Variants in NEDD9 observed in about 807,000 individuals in gnomAD.
NEDD9 encodes the protein enhancer of filamentation 1.
Under a neutral mutation model 76.6 loss-of-function variants are expected in NEDD9, and 26 were observed. The ratio of observed to expected loss-of-function variants is 0.34; its 90% CI spans 0.25 to 0.47. The LOEUF (loss-of-function observed/expected upper bound fraction) is 0.47, where lower values mean the gene tolerates loss of function less well. Ranked by LOEUF, NEDD9 falls within the 20% of genes least tolerant of loss-of-function variation. NEDD9 has a pLI of 1.00. For missense variants in NEDD9, 937 were observed against 1,058.5 expected (o/e 0.89, Z 1.59); for synonymous variants, 392 against 414.2 (o/e 0.95, Z 0.65).
chr6:11,257,154 G>C (rs1760018223), intron 3 of NEDD9, among the ~76,000 whole-genome samples: 1 of 152,188 alleles, frequency 6.6e-6, no homozygotes, highest in Admixed American at 6.5e-5. Context: ...GGTGGAGCCA[G>C]GGTTCCTCAA....
At chr6:11,187,423 T>C (rs1489698947) in intron 6 of NEDD9, among the ~76,000 whole-genome samples, 1 of 152,154 alleles carries the variant, frequency 6.6e-6, no homozygotes, top group Admixed American at 6.5e-5. Context: ...CCTCAGTAGA[T>C]AGGCCTGGAT....
chr6:11,331,665 C>G (rs1762040576), intron 2 of NEDD9, among the ~76,000 whole-genome samples: 1 of 152,152 alleles, frequency 6.6e-6, no homozygotes, highest in Admixed American at 6.5e-5. Flanking sequence ...AAAACGACCC[C>G]TTGCCATTCT....
intron 3 of NEDD9, among the ~76,000 whole-genome samples, chr6:11,280,935 T>G (rs1361482414): frequency 6.6e-6 from 1 of 152,194 alleles, no homozygotes; most frequent in Non-Finnish European, 1.5e-5. Flanking sequence ...ATACAAGAAG[T>G]CATGGGGATT....
chr6:11,197,073 C>G (rs543727866), intron 2 of NEDD9, among the ~76,000 whole-genome samples: 1 of 152,264 alleles, frequency 6.6e-6, no homozygotes, highest in African/African-American at 2.4e-5. Flanking sequence ...CCCAGAACTG[C>G]TGAATTTCAG....
At chr6:11,351,393 G>C (rs1421541977) in intron 1 of NEDD9, among the ~76,000 whole-genome samples, 2 of 152,114 alleles carry the variant, frequency 1.3e-5, no homozygotes, top group East Asian at 1.9e-4. Flanking sequence ...CATCCTGATG[G>C]GGTTCAGGAC....
upstream of NEDD9, among the ~76,000 whole-genome samples, chr6:11,237,076 C>A (rs1213044407): frequency 2.6e-5 from 4 of 152,148 alleles, no homozygotes; most frequent in Non-Finnish European, 4.4e-5. The surrounding 1 kb of genome is among the most constrained non-coding windows in gnomAD (Gnocchi z 4.9). Flanking sequence ...TCAACACTAA[C>A]CCTTTTGTGT....
At chr6:11,317,931 G>A (rs983116007) in intron 2 of NEDD9, among the ~76,000 whole-genome samples, 1 of 152,204 alleles carries the variant, frequency 6.6e-6, no homozygotes, top group African/African-American at 2.4e-5. Context: ...ATGCAGGTGG[G>A]CCTTGTTCAA....
At chr6:11,233,156 T>C, upstream of NEDD9, 2 of 499,216 alleles carry the variant, frequency 4.0e-6, no homozygotes, top group East Asian at 5.6e-5. Context: ...TCTCTCTCTC[T>C]GTCCCTTTTT....
intron 1 of NEDD9, among the ~76,000 whole-genome samples, chr6:11,222,405 C>T (rs926355490): frequency 1.3e-5 from 2 of 152,192 alleles, no homozygotes; most frequent in African/African-American, 2.4e-5. Context: ...GAGGTGTTTA[C>T]AGTCATACAC....
chr6:11,193,761 T>G, intron 2 of NEDD9, 69 bp from the exon 3 acceptor site: 1 of 990,162 alleles, frequency 1.0e-6, no homozygotes, highest in South Asian at 1.4e-5. Flanking sequence ...GCCTCCTAAC[T>G]AAGCACTCAT....
intron 3 of NEDD9, among the ~76,000 whole-genome samples, chr6:11,271,244 C>G (rs529563180): frequency 2.0e-5 from 3 of 152,026 alleles, no homozygotes; most frequent in Non-Finnish European, 4.4e-5. Context: ...ATTTTGTTGC[C>G]CAGGCTGGTC....
intron 1 of NEDD9, among the ~76,000 whole-genome samples, chr6:11,228,698 A>T (rs936552142): frequency 3.3e-5 from 5 of 152,212 alleles, no homozygotes; most frequent in Admixed American, 6.5e-5. Context: ...CAACTTGCTA[A>T]ATTTGGTATT....
At chr6:11,314,535 C>T (rs558302110) in intron 2 of NEDD9, among the ~76,000 whole-genome samples, 1 of 152,278 alleles carries the variant, frequency 6.6e-6, no homozygotes, top group Admixed American at 6.5e-5. Flanking sequence ...TTGAGCAAGG[C>T]AGCTTTTATG....
chr6:11,200,740 G>A, intron 2 of NEDD9: 1 of 1,369,670 alleles, frequency 7.3e-7, no homozygotes, highest in Non-Finnish European at 9.4e-7. Context: ...AAGAGACAGT[G>A]GTCCTTGATG....
At chr6:11,227,712 C>T (rs1247670060) in intron 1 of NEDD9, among the ~76,000 whole-genome samples, 1 of 152,144 alleles carries the variant, frequency 6.6e-6, no homozygotes, top group East Asian at 1.9e-4. Flanking sequence ...TAAACAGGCC[C>T]AGTAGGCAAC....
In NEDD9 at chr6:11,189,954, G is replaced by T. The variant is rs543377511; in HGVS notation, c.1905+10C>A. The T allele has an allele frequency of 6.6e-7, 1 of 1,511,896 alleles. No individual in the cohort carries two copies. The highest frequency in any genetic ancestry group is 1.3e-5 in the South Asian group (1 of 74,386). 93.7% of individuals were successfully genotyped at this position (1,511,896 alleles called of 1,614,324 possible). A position where few individuals can be genotyped will look rare whatever the true frequency, so the allele number is the denominator to read the frequency against. ...TGAGTGTAGGTGTTTTATGAGTTCC[G>T]CTGTTTTACCTGTAGGTGGACGTAA... On this transcript the variant is annotated intron_variant, in intron 5 of 6. Coordinates refer to ENST00000379446, the MANE Select transcript of NEDD9 (RefSeq NM_006403.4).
intron 2 of NEDD9, among the ~76,000 whole-genome samples, chr6:11,326,892 A>G (rs1383179182): frequency 6.6e-6 from 1 of 152,250 alleles, no homozygotes; most frequent in Non-Finnish European, 1.5e-5. Context: ...TGAAAACATA[A>G]GAGATGCATT....
chr6:11,351,611 ACACAAG>A (rs1762471279), intron 1 of NEDD9, among the ~76,000 whole-genome samples: 2 of 152,166 alleles, frequency 1.3e-5, no homozygotes, highest in African/African-American at 2.4e-5. Context: ...TTTTCTGAAG[ACACAAG>A]GACACAGAGG....
chr6:11,276,380 C>CGT (rs571346830), intron 3 of NEDD9, among the ~76,000 whole-genome samples: 1 of 151,948 alleles, frequency 6.6e-6, no homozygotes, highest in African/African-American at 2.4e-5. Flanking sequence ...CACCTGTGCA[C>CGT]GTGTGTGTGT....
Sources: gnomAD v4.1 joint callset for allele counts (sites outside exome capture counted in the v4.1 genomes callset) on GRCh38, gnomAD v4.1.1 for gene constraint, Gnocchi (gnomAD v3.1) non-coding constraint, MANE v1.5 for transcripts, NCBI Gene and HGNC (gene_info 2026-07-23, HGNC 2026-07-21) for gene names.